BRF1: variants seen among roughly 807,000 people sequenced by gnomAD.
BRF1 encodes the protein transcription factor IIIB 90 kDa subunit.
In BRF1, 59 loss-of-function variants were observed where a neutral mutation model predicts 81.7. The ratio of observed to expected loss-of-function variants is 0.72; its 90% confidence interval spans 0.59 to 0.90. BRF1 has a LOEUF of 0.90. BRF1 is among the 40% of genes least tolerant of loss of function. BRF1 has a pLI of 0.00. For synonymous variants in BRF1, 491 were observed against 395.6 expected, an observed-to-expected ratio of 1.24 and a Z score of -2.86; for missense variants, 1,050 against 936.3, an observed-to-expected ratio of 1.12 and a Z score of -1.58.
rs916082071 is a variant in BRF1, at chr14:105,309,947, G to T, written c.-162+5375C>A. Reference sequence around the variant, plus strand: ...ACTACAGGCGCCCGCCACCACACCCGACTAATTTTTGTATTTTTAGTAGAG... The same window carrying T: ...ACTACAGGCGCCCGCCACCACACCCTACTAATTTTTGTATTTTTAGTAGAG... On this transcript the variant is annotated intron_variant, in intron 1 of 17. Transcript: ENST00000327359. This position sits in a 1 kb window ranked among gnomAD's most constrained non-coding sequence, Gnocchi z 4.0. Among the ~76,000 whole-genome samples the T allele has an allele frequency of 6.6e-6, 1 of 151,558 alleles. No individual in the cohort carries two copies. Among genetic ancestry groups the T allele is most frequent in the African/African-American group, 2.4e-5 (1 of 41,244 alleles).
intron 12 of BRF1, chr14:105,219,667 A>G (rs1891930752): frequency 2.5e-6 from 1 of 393,238 alleles, no homozygotes; most frequent in Non-Finnish European, 4.6e-6. Context: ...ATATTGAGAT[A>G]AACTGCAAAG....
chr14:105,211,056 C>G (rs1284832633), intron 17 of BRF1, 66 bp downstream of exon 17: 7 of 1,579,810 alleles, frequency 4.4e-6, no homozygotes, highest in Non-Finnish European at 6.0e-6. Flanking sequence ...GTTCAGGGAT[C>G]ATGAGGGGCA....
At position 105,260,903 on chromosome 14, in the gene BRF1, C is replaced by T. The variant is rs1382905018; in HGVS notation, c.440-4354G>A. ...GATATCACATTCCCTCTGGCCAATCCCGGGAGGGCCTACTAATGCCTTTGG... is the reference window on the plus strand; with the variant it reads ...GATATCACATTCCCTCTGGCCAATCTCGGGAGGGCCTACTAATGCCTTTGG... On this transcript the variant is annotated intron_variant, in intron 3 of 17. Transcript: ENST00000547530. 3.9e-5 allele frequency among the ~76,000 whole-genome samples: 6 copies of T among 152,332 alleles called. No homozygotes were observed. In the East Asian group the frequency reaches 1.2e-3, roughly 29 times the overall value.
rs1163143624 is a variant in BRF1, at chr14:105,247,271, C to T, written c.544+5236G>A. On this transcript the variant is annotated intron_variant, in intron 5 of 17. Coordinates refer to ENST00000547530, the MANE Select transcript of BRF1 (RefSeq NM_001519.4). ...CAGCTTTCCAAACGGCTTGGCCGTG[C>T]GGAGTTACGCACCCACCTGCAGCAG... 37 of 985,276 alleles carry T rather than the reference C, an allele frequency of 3.8e-5. No individual in the cohort carries two copies. The South Asian group carries it at 7.5e-4, about 20-fold the overall frequency. The allele number at this position is 985,276 out of a possible 1,614,324, so 61.0% of individuals were successfully genotyped here. A position where few individuals can be genotyped will look rare whatever the true frequency, so the allele number is the denominator to read the frequency against.
intron 1 of BRF1, among the ~76,000 whole-genome samples, chr14:105,293,612 T>C (rs1595483348): frequency 6.6e-6 from 1 of 152,300 alleles, no homozygotes; most frequent in African/African-American, 2.4e-5. Context: ...CTTGCCTCAG[T>C]GGAGCAGACG....
chr14:105,215,621 A>ACATG (rs1891029053), intron 15 of BRF1, among the ~76,000 whole-genome samples: 1 of 150,342 alleles, frequency 6.7e-6, no homozygotes. Context: ...AGAAACAGGC[A>ACATG]CACACACACT....
intron 5 of BRF1, chr14:105,241,651 G>T (rs1233084643): frequency 3.4e-6 from 2 of 584,988 alleles, no homozygotes; most frequent in Non-Finnish European, 6.1e-6. Flanking sequence ...GACACGCTAG[G>T]GCCAGGCAGC....
In BRF1 at chr14:105,210,320, C is replaced by T. The variant is rs80206469; in HGVS notation, c.*231G>A. 6.9e-4 allele frequency: 392 copies of T among 564,202 alleles called. 2 individuals are homozygous for T. Among genetic ancestry groups the T allele is most frequent in the African/African-American group, 6.5e-3 (344 of 52,940 alleles). 34.9% of individuals were successfully genotyped at this position (564,202 alleles called of 1,614,324 possible). ...AGCGGGACCCAGCCCTGCACACACC[C>T]GGCCCACATCTGATCACACACATGC... On this transcript the variant is annotated 3_prime_UTR_variant, in exon 18 of 18. Transcript: ENST00000547530. The surrounding 1 kb of genome is among the most constrained non-coding windows in gnomAD (Gnocchi z 4.7).
In BRF1 at chr14:105,315,138, G is replaced by A; in HGVS notation, c.-162+184C>T. 5.5e-6 allele frequency: 4 copies of A among 733,282 alleles called. No individual in the cohort carries two copies. Among genetic ancestry groups the A allele is most frequent in the Non-Finnish European group, 6.8e-6 (4 of 591,048 alleles). 45.4% of individuals were successfully genotyped at this position (733,282 alleles called of 1,614,324 possible). A position where few individuals can be genotyped will look rare whatever the true frequency, so the allele number is the denominator to read the frequency against. On this transcript the variant is annotated intron_variant, in intron 1 of 17. Coordinates refer to the BRF1 transcript ENST00000327359. The surrounding 1 kb of genome is among the most constrained non-coding windows in gnomAD (Gnocchi z 4.4). ...CATCCCCGGCCCGGGTCCCCCAGCG[G>A]AGCCCAGGTCGCCCCCCGCGCCCCC...
At chr14:105,296,691 GAA>G (rs200878296) in intron 1 of BRF1, among the ~76,000 whole-genome samples, 1,171 of 84,720 alleles carry the variant, frequency 0.014, 21 homozygotes, top group African/African-American at 0.046. Flanking sequence ...CAAAAAAAAA[GAA>G]AAAAAAAAAA....
intron 5 of BRF1, chr14:105,248,147 G>C (rs1595375342): frequency 3.0e-6 from 3 of 985,506 alleles, no homozygotes; most frequent in Non-Finnish European, 3.6e-6. Flanking sequence ...CCTCAGAGCA[G>C]AGTGGACCGC....
At position 105,215,987 on chromosome 14, in the gene BRF1, GGC is replaced by G. The variant is rs1343932007; in HGVS notation, c.1772+1555_1772+1556del. On this transcript the variant is annotated intron_variant, in intron 15 of 17. Transcript: ENST00000547530. ...CACATGCACACACACTGCATACACA[GGC>G]GCACACACACATGCACACACACGCT... is the stretch of plus-strand genomic sequence containing the variant. 4.3e-4 allele frequency among the ~76,000 whole-genome samples: 49 copies of G among 114,048 alleles called. 3 individuals are homozygous for G. The highest frequency in any genetic ancestry group is 2.0e-3 in the African/African-American group (49 of 24,576). 74.8% of individuals were successfully genotyped at this position (114,048 alleles called of 152,430 possible).
rs1402104509 is a variant in BRF1, at chr14:105,314,583, C to G, written c.-162+739G>C. On this transcript the variant is annotated intron_variant, in intron 1 of 17. Coordinates refer to the BRF1 transcript ENST00000327359. ...AGGAAGCGCGCGCGCACCTCACTTC[C>G]GGCGCGCGCTGCGCCGGCGGCGATT... is the stretch of plus-strand genomic sequence containing the variant. The G allele has an allele frequency of 1.4e-5, 2 of 145,226 alleles. 1 individual carries two copies. The highest frequency in any genetic ancestry group is 5.0e-5 in the African/African-American group (2 of 40,360). The allele number at this position is 145,226 out of a possible 1,614,324, so 9.0% of individuals were successfully genotyped here. A position where few individuals can be genotyped will look rare whatever the true frequency, so the allele number is the denominator to read the frequency against.
chr14:105,247,644 C>T, intron 5 of BRF1: 1 of 985,272 alleles, frequency 1.0e-6, no homozygotes, highest in Non-Finnish European at 1.2e-6. Context: ...ACAGGTGCAC[C>T]CATGACCCGA....
intron 3 of BRF1, among the ~76,000 whole-genome samples, chr14:105,266,297 C>T (rs1007199920): frequency 1.3e-5 from 2 of 152,050 alleles, no homozygotes; most frequent in Non-Finnish European, 2.9e-5. Flanking sequence ...CCTATGGTCC[C>T]GGCTACTCGG....
intron 4 of BRF1, among the ~76,000 whole-genome samples, chr14:105,253,260 C>T (rs973529195): frequency 1.3e-5 from 2 of 152,218 alleles, no homozygotes; most frequent in African/African-American, 4.8e-5. Flanking sequence ...CCTAAGGAGC[C>T]CTGCTGGCTG....
chr14:105,221,999 A>G, intron 10 of BRF1, 85 bp from the exon 11 acceptor site: 3 of 1,474,018 alleles, frequency 2.0e-6, no homozygotes, highest in Non-Finnish European at 2.7e-6. Flanking sequence ...CCAAGCTGCC[A>G]GGTAACCCAT....
chr14:105,303,980 T>C (rs1435755428), upstream of BRF1, among the ~76,000 whole-genome samples: 3 of 152,262 alleles, frequency 2.0e-5, no homozygotes, highest in Non-Finnish European at 2.9e-5. Flanking sequence ...ATGTGGCCAC[T>C]GGATCCTTGC....
At chr14:105,218,542 G>A (rs1463299604) in intron 14 of BRF1, among the ~76,000 whole-genome samples, 1 of 152,224 alleles carries the variant, frequency 6.6e-6, no homozygotes, top group Non-Finnish European at 1.5e-5. Flanking sequence ...CAGTCACTCA[G>A]AGGCTCAACC....
Sources: allele counts gnomAD v4.1 joint callset (sites outside exome capture counted in the v4.1 genomes callset), GRCh38; gene constraint gnomAD v4.1.1; non-coding constraint Gnocchi (gnomAD v3.1); transcripts MANE v1.5; gene names NCBI Gene and HGNC (gene_info 2026-07-23, HGNC 2026-07-21).